The following AMZ1 variants were observed in gnomAD, a reference collection of about 807,000 sequenced individuals.
The protein encoded by AMZ1 is archaemetzincin-1.
AMZ1 carries 39 observed loss-of-function variants against 29.9 expected under a neutral mutation model. The ratio of observed to expected loss-of-function variants is 1.30; its 90% CI spans 1.01 to 1.70. The LOEUF is 1.70. Among genes scored for constraint, AMZ1 ranks in the 40% most tolerant of loss-of-function variants. The pLI, the probability that AMZ1 is intolerant of heterozygous loss-of-function variation, is 0.00. For missense variants in AMZ1, 1,041 were observed against 680.6 expected, an observed-to-expected ratio of 1.53 and a Z score of -5.89; for synonymous variants, 458 against 304.0, an observed-to-expected ratio of 1.51 and a Z score of -5.27.
upstream of AMZ1, among the ~76,000 whole-genome samples, chr7:2,684,666 G>A (rs1203761961): frequency 1.5e-4 from 23 of 152,198 alleles, no homozygotes; most frequent in Admixed American, 1.4e-3. Context: ...GTGCAGTGTG[G>A]ACAGGGCGTT....
chr7:2,738,410 C>T (rs1043571176), intron 4 of AMZ1, among the ~76,000 whole-genome samples: 1 of 152,170 alleles, frequency 6.6e-6, no homozygotes, highest in Non-Finnish European at 1.5e-5. Context: ...TCCACGCAGT[C>T]AGGGGCTACG....
At chr7:2,730,727 A>G (rs1789845909) in intron 4 of AMZ1, 1 of 160,582 alleles carries the variant, frequency 6.2e-6, no homozygotes, top group Non-Finnish European at 1.4e-5. Flanking sequence ...CTGTTAGGCA[A>G]AGCTTTCAGG....
In AMZ1 at chr7:2,744,913, GT is replaced by G. The variant is rs1352204705; in HGVS notation, n.551-19798del. Among the ~76,000 whole-genome samples, 3 of 152,156 alleles carry G rather than the reference GT, an allele frequency of 2.0e-5. No homozygotes were observed. The East Asian group carries it at 5.8e-4, about 29-fold the overall frequency. On this transcript the variant is annotated intron_variant and non_coding_transcript_variant, in intron 4 of 4. Coordinates refer to the AMZ1 transcript ENST00000489665. ...CCGATGCGATGAACTGGAAGAAAGG[GT>G]ATAAGTGATGGAAGACAAAATGAAT...
chr7:2,689,370 T>TGGGGGG (rs59259361), intron 1 of AMZ1, among the ~76,000 whole-genome samples: 26 of 149,636 alleles, frequency 1.7e-4, no homozygotes, highest in Non-Finnish European at 3.3e-4. Context: ...AGAACCTCCC[T>TGGGGGG]GGGGGGGGGA....
rs1309819993 is a variant in AMZ1 at position 2,681,071 on chromosome 7, GCCAATC to G, written c.-219+1404_-219+1409del. On this transcript the variant is annotated intron_variant, in intron 1 of 6. Coordinates refer to the AMZ1 transcript ENST00000312371. ...CCCTGCCCACGGATGCCCCCTCGTGGCCAATCCCATCCATCTTAGAACTACGTTTCA... is the reference window on the plus strand; with the variant it reads ...CCCTGCCCACGGATGCCCCCTCGTGGCCATCCATCTTAGAACTACGTTTCA... Among the ~76,000 whole-genome samples, 8 of 152,212 alleles carry G rather than the reference GCCAATC, an allele frequency of 5.3e-5. No homozygotes were observed. The East Asian group carries it at 1.5e-3, about 29-fold the overall frequency.
In AMZ1 at chr7:2,731,813, CA is replaced by C; in HGVS notation, n.550+22002del. 1.2e-6 allele frequency: 1 copy of C among 861,796 alleles called. No individual in the cohort carries two copies. The highest frequency in any genetic ancestry group is 1.7e-6 in the Non-Finnish European group (1 of 592,770). The allele number at this position is 861,796 out of a possible 1,614,324, so 53.4% of individuals were successfully genotyped here. On this transcript the variant is annotated intron_variant and non_coding_transcript_variant, in intron 4 of 4. Coordinates refer to the AMZ1 transcript ENST00000489665. The surrounding 1 kb of genome is among the most constrained non-coding windows in gnomAD (Gnocchi z 6.0). The stretch of plus-strand genomic sequence containing the variant: ...GAAGAAAGAACAGAGAAAATAGAAA[CA>C]AAAAGATGGCAAAAAGATAAGAAGG...
chr7:2,714,312 C>T lies in AMZ1; in HGVS notation c.*1434C>T, dbSNP rs1438069397. The stretch of plus-strand genomic sequence containing the variant: ...AAATACAAAACTAAAACTAGAAGGG[C>T]TATGCAGGTGAGGTGGGCTGAGGCT... On this transcript the variant is annotated 3_prime_UTR_variant, in exon 7 of 7. Coordinates refer to ENST00000683327, the MANE Select transcript of AMZ1 (RefSeq NM_001384743.1). 2 of 152,402 alleles carry T rather than the reference C, an allele frequency of 1.3e-5. No individual in the cohort carries two copies. Among genetic ancestry groups the T allele is most frequent in the Non-Finnish European group, 2.9e-5 (2 of 68,088 alleles). The allele number at this position is 152,402 out of a possible 1,614,324, so 9.4% of individuals were successfully genotyped here.
chr7:2,696,414 G>A (rs566371983), intron 1 of AMZ1, among the ~76,000 whole-genome samples: 15,461 of 150,504 alleles, frequency 0.1, 1,098 homozygotes, highest in Non-Finnish European at 0.15. Flanking sequence ...CCGCCACCAC[G>A]CCTGGCTAAT....
upstream of AMZ1, among the ~76,000 whole-genome samples, chr7:2,685,735 C>A (rs374959504): frequency 1.1e-3 from 169 of 151,700 alleles, no homozygotes; most frequent in African/African-American, 4.0e-3. Context: ...CGCCTGTAGT[C>A]CCAGCTACTT....
At chr7:2,759,992 G>A (rs908101681), upstream of AMZ1, among the ~76,000 whole-genome samples, 1 of 152,204 alleles carries the variant, frequency 6.6e-6, no homozygotes, top group Non-Finnish European at 1.5e-5. Context: ...GACCACAAAT[G>A]CATAAAAATG....
chr7:2,744,208 G>A (rs113069252), intron 4 of AMZ1, among the ~76,000 whole-genome samples: 266 of 152,316 alleles, frequency 1.7e-3, no homozygotes, highest in African/African-American at 5.9e-3. Context: ...ATCTGAGAAC[G>A]GGCAGACTGC....
upstream of AMZ1, chr7:2,762,327 C>A: frequency 6.1e-6 from 2 of 330,340 alleles, no homozygotes; most frequent in African/African-American, 2.1e-5. Context: ...AGGCGCTGCG[C>A]GACTGCTGCT....
rs748435612 is a variant in AMZ1 at position 2,731,259 on chromosome 7, G to A, written n.550+21443G>A. On this transcript the variant is annotated intron_variant and non_coding_transcript_variant, in intron 4 of 4. Transcript: ENST00000489665. This position sits in a 1 kb window ranked among gnomAD's most constrained non-coding sequence, Gnocchi z 6.0. ...CATGGAACACGAAGCGGACGTTCTCGGTGTCGATGGCGGTGGTGAAGTGGT... is the reference window on the plus strand; with the variant it reads ...CATGGAACACGAAGCGGACGTTCTCAGTGTCGATGGCGGTGGTGAAGTGGT... 8.7e-6 allele frequency: 14 copies of A among 1,613,732 alleles called. No homozygotes were observed. The highest frequency in any genetic ancestry group is 1.6e-4 in the Middle Eastern group (1 of 6,084).
intron 2 of AMZ1, 170 bp from the exon 3 acceptor site, chr7:2,702,552 A>G (rs1315941407): frequency 5.5e-6 from 4 of 729,110 alleles, no homozygotes; most frequent in African/African-American, 5.4e-5. Context: ...GCCCTTTTGA[A>G]AAAGTCATGC....
chr7:2,706,104 C>T (rs1338487771), intron 3 of AMZ1, among the ~76,000 whole-genome samples: 1 of 152,222 alleles, frequency 6.6e-6, no homozygotes, highest in Non-Finnish European at 1.5e-5. Flanking sequence ...AGGACATGCA[C>T]TCGGGAAGGT....
intron 1 of AMZ1, among the ~76,000 whole-genome samples, chr7:2,694,009 C>T (rs1009915909): frequency 6.6e-6 from 1 of 152,230 alleles, no homozygotes. Flanking sequence ...ACCCCCAGCA[C>T]AGGGCCCAGC....
downstream of AMZ1, among the ~76,000 whole-genome samples, chr7:2,720,161 C>T (rs798554): frequency 0.25 from 37,863 of 151,804 alleles, 5,247 homozygotes; most frequent in Non-Finnish European, 0.29. Flanking sequence ...GTGCAAAGCG[C>T]GGCTCCCCTC....
At chr7:2,723,089 G>T (rs924371937), downstream of AMZ1, among the ~76,000 whole-genome samples, 12 of 152,224 alleles carry the variant, frequency 7.9e-5, no homozygotes, top group Non-Finnish European at 1.6e-4. Flanking sequence ...TACAACCTGT[G>T]AGTGGTGTAG....
intron 4 of AMZ1, among the ~76,000 whole-genome samples, chr7:2,744,808 G>C (rs994300624): frequency 6.6e-6 from 1 of 152,180 alleles, no homozygotes; most frequent in African/African-American, 2.4e-5. Flanking sequence ...AATAACCAAT[G>C]CAGAGAAGTC....
Sources: gnomAD v4.1 joint callset for allele counts (sites outside exome capture counted in the v4.1 genomes callset) on GRCh38, gnomAD v4.1.1 for gene constraint, Gnocchi (gnomAD v3.1) non-coding constraint, MANE v1.5 for transcripts, NCBI Gene and HGNC (gene_info 2026-07-23, HGNC 2026-07-21) for gene names.